STAT4: variants seen among roughly 807,000 people sequenced by gnomAD.
STAT4 encodes the protein signal transducer and activator of transcription 4.
A neutral mutation model predicts 110.5 loss-of-function variants in STAT4; 42 were observed. The ratio of observed to expected loss-of-function variants is 0.38; its 90% CI spans 0.30 to 0.49. STAT4 has a LOEUF of 0.49. Ranked by LOEUF, STAT4 falls within the 20% of genes least tolerant of loss-of-function variation. STAT4 has a pLI of 0.95. For missense variants in STAT4, 632 were observed against 887.9 expected (o/e 0.71, Z 3.66); for synonymous variants, 284 against 302.2 (o/e 0.94, Z 0.63).
intron 14 of STAT4, among the ~76,000 whole-genome samples, chr2:191,052,656 C>T (rs1050346601): frequency 5.3e-4 from 81 of 152,140 alleles, no homozygotes; most frequent in African/African-American, 1.9e-3. Flanking sequence ...ATTTGCTTTA[C>T]TTAAGACAAG....
At chr2:191,149,229 G>A (rs1435331058) in intron 1 of STAT4, among the ~76,000 whole-genome samples, 4 of 152,034 alleles carry the variant, frequency 2.6e-5, no homozygotes, top group Non-Finnish European at 4.4e-5. Context: ...ATAGGCTAAG[G>A]TTTCCTTTTG....
intron 3 of STAT4, among the ~76,000 whole-genome samples, chr2:191,129,984 C>A (rs1698988849): frequency 6.6e-6 from 1 of 150,506 alleles, no homozygotes; most frequent in African/African-American, 2.5e-5. Context: ...TTTTAGTGGT[C>A]TTTTTGAAAT....
At position 191,031,170 on chromosome 2, in the gene STAT4, G is replaced by T; in HGVS notation, c.2112-90C>A. ...ACTATGTCAGGAACTCATTTCTAGGGCTTCATCTATTTGTGACATTGAGTT... is the reference window on the plus strand; with the variant it reads ...ACTATGTCAGGAACTCATTTCTAGGTCTTCATCTATTTGTGACATTGAGTT... On this transcript the variant is annotated intron_variant, in intron 22 of 23. Coordinates refer to ENST00000392320, the MANE Select transcript of STAT4 (RefSeq NM_003151.4). The surrounding 1 kb of genome is among the most constrained non-coding windows in gnomAD (Gnocchi z 4.8). 2 of 1,319,358 alleles carry T rather than the reference G, an allele frequency of 1.5e-6. No individual in the cohort carries two copies. Among genetic ancestry groups the T allele is most frequent in the Non-Finnish European group, 2.2e-6 (2 of 925,470 alleles). The allele number at this position is 1,319,358 out of a possible 1,614,324, so 81.7% of individuals were successfully genotyped here.
rs1198723307 is a variant in STAT4, at chr2:191,069,750, A to G, written c.487T>C (p.Tyr163His). Residue 163 changes from tyrosine (Y) to histidine (H), a missense_variant, in exon 6 of 24, where the codon TAC (tyrosine) becomes CAC (histidine). Coordinates refer to ENST00000392320, the MANE Select transcript of STAT4 (RefSeq NM_003151.4). ...SVQMTEQDTK[Y>H]LEDLQDEFDY... Reference sequence around the variant, plus strand: ...AATTCGTCTTGCAGATCTTCTAAGTATTTGGTATCTTGTTCTGTCATCTTT... The same window carrying G: ...AATTCGTCTTGCAGATCTTCTAAGTGTTTGGTATCTTGTTCTGTCATCTTT... 1.9e-6 allele frequency: 3 copies of G among 1,609,496 alleles called. No individual in the cohort carries two copies. Among genetic ancestry groups the G allele is most frequent in the Admixed American group, 3.4e-5 (2 of 59,100 alleles).
At chr2:191,148,489 C>T (rs976952808) in intron 1 of STAT4, among the ~76,000 whole-genome samples, 2 of 152,134 alleles carry the variant, frequency 1.3e-5, no homozygotes, top group Non-Finnish European at 2.9e-5. Flanking sequence ...ATCCTGCCCA[C>T]AGCTGTCTAT....
In STAT4 at chr2:191,034,593, T is replaced by C. The variant is rs992959125; in HGVS notation, c.1575A>G (p.Gln525=). 2.5e-6 allele frequency: 4 copies of C among 1,612,776 alleles called. No homozygotes were observed. Among genetic ancestry groups the C allele is most frequent in the African/African-American group, 1.3e-5 (1 of 75,004 alleles). ...LHMLAEKLTV[Q]SSYSDGHLTW... Reference sequence around the variant, plus strand: ...TGAGGTGACCATCACTGTAGCTAGATTGGACTGAAATGAAAGAAAAGAATG... The same window carrying C: ...TGAGGTGACCATCACTGTAGCTAGACTGGACTGAAATGAAAGAAAAGAATG... Residue 525 remains glutamine (Q), a synonymous_variant, in exon 18 of 24, where the codon CAA becomes CAG. Coordinates refer to ENST00000392320, the MANE Select transcript of STAT4 (RefSeq NM_003151.4).
intron 6 of STAT4, among the ~76,000 whole-genome samples, chr2:191,068,915 C>T (rs1477266783): frequency 2.0e-5 from 3 of 151,924 alleles, no homozygotes; most frequent in Non-Finnish European, 4.4e-5. Context: ...TTAAAAAACA[C>T]CTAGTTGTAA....
intron 3 of STAT4, among the ~76,000 whole-genome samples, chr2:191,129,415 C>T (rs550054832): frequency 2.0e-5 from 3 of 152,012 alleles, no homozygotes; most frequent in Admixed American, 1.3e-4. Flanking sequence ...ACAGCAAGAC[C>T]CCATCTCTGA....
chr2:191,136,463 C>A (rs540806884), intron 3 of STAT4, among the ~76,000 whole-genome samples: 1 of 152,234 alleles, frequency 6.6e-6, no homozygotes, highest in Admixed American at 6.5e-5. Context: ...GTCAAATTGT[C>A]TTTCTTGGCC....
rs1165677906 is a variant in STAT4 at position 191,144,060 on chromosome 2, A to C, written c.273+2553T>G. ...CAAGAAAGAGCAAGTGTTTTTTTCA[A>C]CTCAAATATCTTAATTCACCAAATT... On this transcript the variant is annotated intron_variant, in intron 3 of 23. Coordinates refer to ENST00000392320, the MANE Select transcript of STAT4 (RefSeq NM_003151.4). This position sits in a 1 kb window ranked among gnomAD's most constrained non-coding sequence, Gnocchi z 4.7. 6.6e-6 allele frequency among the ~76,000 whole-genome samples: 1 copy of C among 152,174 alleles called. No individual in the cohort carries two copies. Among genetic ancestry groups the C allele is most frequent in the Non-Finnish European group, 1.5e-5 (1 of 68,028 alleles).
chr2:191,048,888 T>C (rs1403813687), intron 14 of STAT4, among the ~76,000 whole-genome samples: 1 of 148,910 alleles, frequency 6.7e-6, no homozygotes, highest in Non-Finnish European at 1.5e-5. Flanking sequence ...AAAATATCCA[T>C]ATTAATGATA....
chr2:191,035,652 T>A lies in STAT4; in HGVS notation c.1570+512A>T, dbSNP rs1292949391. 6.6e-6 allele frequency among the ~76,000 whole-genome samples: 1 copy of A among 152,270 alleles called. No individual in the cohort carries two copies. The highest frequency in any genetic ancestry group is 1.5e-5 in the Non-Finnish European group (1 of 68,042). On this transcript the variant is annotated intron_variant, in intron 17 of 23. Coordinates refer to ENST00000392320, the MANE Select transcript of STAT4 (RefSeq NM_003151.4). The surrounding 1 kb of genome is among the most constrained non-coding windows in gnomAD (Gnocchi z 4.7). ...TCAGTCAAAGCTGAAACTTTCTTGG[T>A]ATGCAGAATTAAGTATTGCCCAGGT...
rs1698484901 is a variant in STAT4 at position 191,113,566 on chromosome 2, T to A, written c.273+33047A>T. On this transcript the variant is annotated intron_variant, in intron 3 of 23. Transcript: ENST00000392320. This position sits in a 1 kb window ranked among gnomAD's most constrained non-coding sequence, Gnocchi z 4.8. Reference sequence around the variant, plus strand: ...ATTGGTTTAAGAGATTCAAGGAAACTTTTGGCTTCACAGGGAGATGTAAGA... The same window carrying A: ...ATTGGTTTAAGAGATTCAAGGAAACATTTGGCTTCACAGGGAGATGTAAGA... Among the ~76,000 whole-genome samples, 1 of 152,208 alleles carries A rather than the reference T, an allele frequency of 6.6e-6. No homozygotes were observed. The highest frequency in any genetic ancestry group is 1.5e-5 in the Non-Finnish European group (1 of 68,030).
chr2:191,045,510 G>A (rs1161982036), intron 14 of STAT4, among the ~76,000 whole-genome samples: 2 of 152,110 alleles, frequency 1.3e-5, no homozygotes, highest in East Asian at 3.9e-4. Flanking sequence ...TGAACAAGTA[G>A]GATTATCTAC....
At chr2:191,102,633 G>T (rs966413899) in intron 3 of STAT4, among the ~76,000 whole-genome samples, 1 of 152,066 alleles carries the variant, frequency 6.6e-6, no homozygotes, top group East Asian at 1.9e-4. Flanking sequence ...AATTCACAAT[G>T]AATGCATGAA....
rs1574154534 is a variant in STAT4, at chr2:191,099,707, A to G, written c.274-23382T>C. Among the ~76,000 whole-genome samples the G allele has an allele frequency of 2.6e-5, 4 of 152,280 alleles. No homozygotes were observed. In the East Asian group the frequency reaches 7.7e-4, roughly 29 times the overall value. On this transcript the variant is annotated intron_variant, in intron 3 of 23. Transcript: ENST00000392320. The surrounding 1 kb of genome is among the most constrained non-coding windows in gnomAD (Gnocchi z 4.1). Reference sequence around the variant, plus strand: ...TTTTTATTTAATTAGGTAAACATAGATACACATATGGAAAGGTTCACACTT... The same window carrying G: ...TTTTTATTTAATTAGGTAAACATAGGTACACATATGGAAAGGTTCACACTT...
At chr2:191,074,057 TG>T (rs1343702572) in intron 4 of STAT4, among the ~76,000 whole-genome samples, 1 of 152,228 alleles carries the variant, frequency 6.6e-6, no homozygotes, top group East Asian at 1.9e-4. Flanking sequence ...TTGAATCTGC[TG>T]GGATGAGATT....
intron 3 of STAT4, among the ~76,000 whole-genome samples, chr2:191,094,187 TTTCCC>T (rs1697891412): frequency 2.0e-5 from 3 of 152,216 alleles, no homozygotes; most frequent in Admixed American, 2.0e-4. Flanking sequence ...CCGGGAGAAC[TTTCCC>T]AACCTAGGGA....
chr2:191,137,382 C>G (rs1317506401), intron 3 of STAT4, among the ~76,000 whole-genome samples: 1 of 152,122 alleles, frequency 6.6e-6, no homozygotes, highest in African/African-American at 2.4e-5. Context: ...AAAGACATCT[C>G]TATGTTCATG....
Sources: gnomAD v4.1 joint callset for allele counts (sites outside exome capture counted in the v4.1 genomes callset) on GRCh38, gnomAD v4.1.1 for gene constraint, Gnocchi (gnomAD v3.1) non-coding constraint, MANE v1.5 for transcripts, NCBI Gene and HGNC (gene_info 2026-07-23, HGNC 2026-07-21) for gene names.